The following BICD1 variants were observed in gnomAD, a reference collection of about 807,000 sequenced individuals.
The protein encoded by BICD1 is protein bicaudal D homolog 1.
BICD1 carries 35 observed loss-of-function variants against 92.5 expected under a neutral mutation model. That is an observed-to-expected ratio of 0.38 (90% CI 0.29 to 0.50). BICD1 has a LOEUF of 0.50. Among genes scored for constraint, BICD1 ranks in the 20% least tolerant of loss-of-function variants. The pLI, the probability that BICD1 is intolerant of heterozygous loss-of-function variation, is 0.93. For synonymous variants in BICD1, 429 were observed against 465.1 expected (o/e 0.92, Z 1.00); for missense variants, 950 against 1,189.8 (o/e 0.80, Z 2.97).
At chr12:32,139,098 A>G (rs1432935959) in intron 1 of BICD1, among the ~76,000 whole-genome samples, 1 of 152,196 alleles carries the variant, frequency 6.6e-6, no homozygotes, top group Admixed American at 6.5e-5. Flanking sequence ...TTTTTACAAG[A>G]TAGAGTTTAC....
chr12:32,286,366 A>G (rs1162015430), intron 2 of BICD1, among the ~76,000 whole-genome samples: 8 of 152,138 alleles, frequency 5.3e-5, no homozygotes, highest in Non-Finnish European at 2.9e-5. Flanking sequence ...TACATATTAA[A>G]TAAGGAAAAA....
intron 9 of BICD1, among the ~76,000 whole-genome samples, chr12:32,374,734 A>ATTTTTTTT (rs1179747608): frequency 5.8e-3 from 463 of 79,966 alleles, no homozygotes; most frequent in African/African-American, 9.1e-3. Context: ...CGCCCGGCTA[A>ATTTTTTTT]TTTTTTTTTT....
At chr12:32,137,944 C>T (rs901929239) in intron 1 of BICD1, among the ~76,000 whole-genome samples, 9 of 152,030 alleles carry the variant, frequency 5.9e-5, no homozygotes, top group Non-Finnish European at 1.2e-4. Flanking sequence ...ATTACAGGCA[C>T]GCATCACCAT....
At chr12:32,218,892 G>T (rs1945434562) in intron 2 of BICD1, among the ~76,000 whole-genome samples, 1 of 152,066 alleles carries the variant, frequency 6.6e-6, no homozygotes, top group Non-Finnish European at 1.5e-5. Context: ...GTACCTAAGA[G>T]AATTATTATT....
At chr12:32,142,454 C>CTATCTATCTATCTATCTATCTA (rs1942966750) in intron 1 of BICD1, among the ~76,000 whole-genome samples, 1 of 660 alleles carries the variant, frequency 1.5e-3, no homozygotes, top group Non-Finnish European at 9.3e-3. Context: ...CCTATCTATC[C>CTATCTATCTATCTATCTATCTA]TATCTATCTA....
intron 2 of BICD1, among the ~76,000 whole-genome samples, chr12:32,276,440 G>T (rs1001374259): frequency 3.3e-5 from 5 of 152,176 alleles, no homozygotes; most frequent in Non-Finnish European, 7.3e-5. Flanking sequence ...TAAACACGGG[G>T]CTTGCAACTT....
At chr12:32,300,965 T>C (rs915702905) in intron 3 of BICD1, among the ~76,000 whole-genome samples, 2 of 152,082 alleles carry the variant, frequency 1.3e-5, no homozygotes, top group Non-Finnish European at 2.9e-5. Flanking sequence ...TTTACAGTAT[T>C]TAAGCAGGCC....
At chr12:32,158,098 T>C (rs1943493251) in intron 1 of BICD1, among the ~76,000 whole-genome samples, 1 of 147,382 alleles carries the variant, frequency 6.8e-6, no homozygotes, top group Non-Finnish European at 1.5e-5. Context: ...CCTAGGGGTT[T>C]TTTTTTTCTT....
chr12:32,141,138 C>T (rs868295219), intron 1 of BICD1, among the ~76,000 whole-genome samples: 4 of 152,174 alleles, frequency 2.6e-5, no homozygotes, highest in Non-Finnish European at 4.4e-5. Flanking sequence ...TTTCTGAGCC[C>T]TTGGCTTGCT....
chr12:32,199,789 C>T (rs566606156), intron 1 of BICD1, among the ~76,000 whole-genome samples: 1 of 152,142 alleles, frequency 6.6e-6, no homozygotes, highest in East Asian at 1.9e-4. Context: ...TTGGGGAGTT[C>T]CTTCAGACCT....
At chr12:32,331,729 T>C (rs1407514430) in intron 5 of BICD1, among the ~76,000 whole-genome samples, 2 of 152,160 alleles carry the variant, frequency 1.3e-5, no homozygotes, top group African/African-American at 4.8e-5. Context: ...TTGAAGCATT[T>C]TGGATTTTGG....
At chr12:32,122,346 G>A (rs1158188530) in intron 1 of BICD1, among the ~76,000 whole-genome samples, 2 of 151,806 alleles carry the variant, frequency 1.3e-5, no homozygotes, top group African/African-American at 2.4e-5. Context: ...AAAATTAGCC[G>A]GGCTTGGTGG....
At chr12:32,374,170 T>C (rs1290571313) in intron 9 of BICD1, among the ~76,000 whole-genome samples, 3 of 145,410 alleles carry the variant, frequency 2.1e-5, no homozygotes, top group Non-Finnish European at 4.5e-5. Flanking sequence ...GCTGGGATCG[T>C]GCCACTGCAC....
intron 1 of BICD1, among the ~76,000 whole-genome samples, chr12:32,165,668 G>C (rs1943739282): frequency 7.3e-6 from 1 of 136,558 alleles, no homozygotes; most frequent in Non-Finnish European, 1.5e-5. Flanking sequence ...TGGTGACAGA[G>C]CCAGACTCTG....
intron 8 of BICD1, among the ~76,000 whole-genome samples, chr12:32,358,940 C>T (rs1030414586): frequency 3.0e-4 from 45 of 152,030 alleles, no homozygotes; most frequent in Non-Finnish European, 4.6e-4. Flanking sequence ...ATTTCTTCTG[C>T]CCGCTCTTCC....
chr12:32,259,591 G>T (rs1946804752), intron 2 of BICD1, among the ~76,000 whole-genome samples: 1 of 152,166 alleles, frequency 6.6e-6, no homozygotes, highest in Non-Finnish European at 1.5e-5. Context: ...TCAATATGGG[G>T]CATTGCTGGT....
At chr12:32,182,806 A>G (rs561249592) in intron 1 of BICD1, among the ~76,000 whole-genome samples, 3 of 151,122 alleles carry the variant, frequency 2.0e-5, no homozygotes, top group African/African-American at 7.3e-5. Context: ...ACAATTTATC[A>G]TGAAATTTAG....
intron 2 of BICD1, among the ~76,000 whole-genome samples, chr12:32,239,662 G>A (rs1294766259): frequency 6.6e-6 from 1 of 151,504 alleles, no homozygotes; most frequent in Non-Finnish European, 1.5e-5. Flanking sequence ...AGTGCAACAA[G>A]AGCTGGCATG....
intron 2 of BICD1, among the ~76,000 whole-genome samples, chr12:32,264,881 T>TG (rs1461665751): frequency 1.3e-5 from 2 of 152,152 alleles, no homozygotes; most frequent in East Asian, 3.8e-4. Context: ...GCAGAGACCT[T>TG]GTCCTGTTTC....
Sources: gnomAD v4.1 joint callset for allele counts (sites outside exome capture counted in the v4.1 genomes callset) on GRCh38, gnomAD v4.1.1 for gene constraint, MANE v1.5 for transcripts, NCBI Gene and HGNC (gene_info 2026-07-23, HGNC 2026-07-21) for gene names.